The following LRP1B variants were observed in gnomAD, a reference collection of about 807,000 sequenced individuals.
LRP1B encodes the protein LDL receptor related protein 1B.
Under a neutral mutation model 556.6 loss-of-function variants are expected in LRP1B, and 217 were observed. That is an observed-to-expected ratio of 0.39 (90% CI 0.35 to 0.44). The LOEUF is 0.44. Ranked by LOEUF, LRP1B falls within the 20% of genes least tolerant of loss-of-function variation. The pLI is 1.00. For synonymous variants in LRP1B, 2,047 were observed against 1,865.8 expected, an observed-to-expected ratio of 1.10 and a Z score of -2.50; for missense variants, 5,053 against 5,620.8, an observed-to-expected ratio of 0.90 and a Z score of 3.23.
At chr2:142,090,098 A>C (rs1706107205) in intron 1 of LRP1B, among the ~76,000 whole-genome samples, 1 of 152,178 alleles carries the variant, frequency 6.6e-6, no homozygotes, top group African/African-American at 2.4e-5. Flanking sequence ...TATTATATTA[A>C]AAACATTACA....
intron 2 of LRP1B, among the ~76,000 whole-genome samples, chr2:141,637,262 A>T (rs1218681253): frequency 2.0e-5 from 3 of 152,200 alleles, no homozygotes; most frequent in Admixed American, 2.0e-4. Flanking sequence ...ATGAAGTTAA[A>T]GTAACCGAGG....
chr2:141,167,515 A>G (rs752965628), intron 7 of LRP1B, among the ~76,000 whole-genome samples: 3 of 151,838 alleles, frequency 2.0e-5, no homozygotes, highest in Non-Finnish European at 4.4e-5. Context: ...GCGTGGTATT[A>G]AAGTACTTAT....
rs137883350 is a variant in LRP1B at position 140,923,145 on chromosome 2, T to C, written c.3139A>G (p.Ile1047Val). 8 of 1,610,538 alleles carry C rather than the reference T, an allele frequency of 5.0e-6. No individual in the cohort carries two copies. The African/African-American group carries it at 1.1e-4, about 22-fold the overall frequency. ...EAQINCTKEEIHSPAGCNGNE... is the reference protein window; with the variant it reads ...EAQINCTKEEVHSPAGCNGNE... ...CCGTTACAACCAGCAGGAGAATGAATCTCTTAATTTGAAATGAGGAAGAGA... is the reference window on the plus strand; with the variant it reads ...CCGTTACAACCAGCAGGAGAATGAACCTCTTAATTTGAAATGAGGAAGAGA... The change falls in exon 21 of 91, where the codon ATT (isoleucine) becomes GTT (valine). Residue 1047 changes from isoleucine (I) to valine (V), a missense_variant and splice_region_variant. Around this residue, in one of 5 missense-constraint regions of LRP1B, gnomAD observed 3,619 missense variants for 3,931.9 expected, o/e 0.92. Transcript: ENST00000389484.
At chr2:141,314,363 T>G (rs556057197) in intron 3 of LRP1B, among the ~76,000 whole-genome samples, 7 of 152,332 alleles carry the variant, frequency 4.6e-5, no homozygotes, top group Non-Finnish European at 7.4e-5. Context: ...CCATATAATT[T>G]TAAATGAATT....
intron 6 of LRP1B, among the ~76,000 whole-genome samples, chr2:141,216,889 G>A (rs1429305572): frequency 6.6e-6 from 1 of 152,120 alleles, no homozygotes; most frequent in East Asian, 1.9e-4. Context: ...ATCTTGGAAG[G>A]AAATAACTTG....
At chr2:141,664,188 T>C (rs1419326442) in intron 2 of LRP1B, among the ~76,000 whole-genome samples, 1 of 152,140 alleles carries the variant, frequency 6.6e-6, no homozygotes, top group Non-Finnish European at 1.5e-5. Flanking sequence ...AAATTCAATG[T>C]CCCTTCATGT....
At chr2:140,928,662 A>C (rs1367023201) in intron 20 of LRP1B, among the ~76,000 whole-genome samples, 1 of 152,154 alleles carries the variant, frequency 6.6e-6, no homozygotes, top group African/African-American at 2.4e-5. Flanking sequence ...TGGGCCCAGA[A>C]AAGAGAATAA....
intron 53 of LRP1B, among the ~76,000 whole-genome samples, chr2:140,503,779 T>A (rs72899900): frequency 0.23 from 34,708 of 151,980 alleles, 4,289 homozygotes; most frequent in Non-Finnish European, 0.27. Flanking sequence ...GTTTGTCAAC[T>A]ATAAAAACAG....
At position 140,870,533 on chromosome 2, in the gene LRP1B, G is replaced by A. The variant is rs1402497572; in HGVS notation, c.4170-2270C>T. Among the ~76,000 whole-genome samples, 4 of 151,996 alleles carry A rather than the reference G, an allele frequency of 2.6e-5. No homozygotes were observed. The South Asian group carries it at 8.3e-4, about 31-fold the overall frequency. On this transcript the variant is annotated intron_variant, in intron 25 of 90. Transcript: ENST00000389484. ...ATGCCTTTTCTTCTGCTAATTTGCTGCCAGTTTATTTCAGGACACTTGAAC... is the reference window on the plus strand; with the variant it reads ...ATGCCTTTTCTTCTGCTAATTTGCTACCAGTTTATTTCAGGACACTTGAAC...
At chr2:141,095,627 T>A (rs530859187) in intron 7 of LRP1B, among the ~76,000 whole-genome samples, 1 of 151,736 alleles carries the variant, frequency 6.6e-6, no homozygotes, top group African/African-American at 2.4e-5. Context: ...CTAAAGTACA[T>A]AGAGTTATTA....
chr2:141,801,787 G>A (rs544687678), intron 2 of LRP1B, among the ~76,000 whole-genome samples: 1 of 152,082 alleles, frequency 6.6e-6, no homozygotes, highest in Non-Finnish European at 1.5e-5. Context: ...TATAACATTA[G>A]TACTCTAGAA....
intron 1 of LRP1B, among the ~76,000 whole-genome samples, chr2:142,078,128 C>T (rs575012445): frequency 5.9e-5 from 9 of 152,222 alleles, no homozygotes; most frequent in Non-Finnish European, 1.3e-4. Context: ...ATCTGCCACA[C>T]GATATGCATA....
chr2:141,329,552 G>A (rs1687557376), intron 3 of LRP1B, among the ~76,000 whole-genome samples: 1 of 150,852 alleles, frequency 6.6e-6, no homozygotes, highest in South Asian at 2.1e-4. Flanking sequence ...GCTGAGGCAG[G>A]AGAATGGCGT....
chr2:141,438,343 TCAC>T (rs1271294609), intron 3 of LRP1B, among the ~76,000 whole-genome samples: 13 of 141,554 alleles, frequency 9.2e-5, no homozygotes, highest in African/African-American at 4.1e-4. Flanking sequence ...ATTCATTCAC[TCAC>T]TCACTCATTC....
At chr2:141,142,153 C>T (rs967306966) in intron 7 of LRP1B, among the ~76,000 whole-genome samples, 3 of 152,116 alleles carry the variant, frequency 2.0e-5, no homozygotes, top group Admixed American at 2.0e-4. Context: ...ACTGCCATGT[C>T]CTGATTTCCA....
At chr2:140,268,213 C>G (rs1259072509) in intron 86 of LRP1B, among the ~76,000 whole-genome samples, 1 of 151,934 alleles carries the variant, frequency 6.6e-6, no homozygotes, top group Admixed American at 6.6e-5. Context: ...TATACTAACT[C>G]TGAAATGTTA....
chr2:141,750,174 C>T (rs1347275106), intron 2 of LRP1B, among the ~76,000 whole-genome samples: 1 of 152,078 alleles, frequency 6.6e-6, no homozygotes, highest in African/African-American at 2.4e-5. Context: ...AGCACCATCT[C>T]CTTTCATGGA....
intron 1 of LRP1B, among the ~76,000 whole-genome samples, chr2:142,130,388 A>G (rs1297974340): frequency 3.9e-5 from 6 of 152,220 alleles, no homozygotes; most frequent in East Asian, 3.9e-4. Context: ...AGCCAAGTGC[A>G]CACACTCCCG....
Position 141,522,926 on chromosome 2 carries a change from A to G in LRP1B, c.206-42393T>C, listed in dbSNP as rs990163163. 2.0e-5 allele frequency among the ~76,000 whole-genome samples: 3 copies of G among 152,262 alleles called. No homozygotes were observed. In the East Asian group the frequency reaches 5.8e-4, roughly 29 times the overall value. ...TGTCATCAATGAACTAATGACATAGACAGATCCAAATGACTGTCAGATCTG... is the reference window on the plus strand; with the variant it reads ...TGTCATCAATGAACTAATGACATAGGCAGATCCAAATGACTGTCAGATCTG... On this transcript the variant is annotated intron_variant, in intron 2 of 90. Coordinates refer to ENST00000389484, the MANE Select transcript of LRP1B (RefSeq NM_018557.3).
Sources: allele counts gnomAD v4.1 joint callset (sites outside exome capture counted in the v4.1 genomes callset), GRCh38; gene constraint gnomAD v4.1.1; regional missense constraint gnomAD v4.1.1; transcripts MANE v1.5; gene names NCBI Gene and HGNC (gene_info 2026-07-23, HGNC 2026-07-21).